PTGFRN: variants seen among roughly 807,000 people sequenced by gnomAD.
PTGFRN encodes prostaglandin F2 receptor inhibitor.
PTGFRN carries 35 observed loss-of-function variants against 83.2 expected under a neutral mutation model. The observed-to-expected ratio is 0.42, with a 90% confidence interval of 0.32 to 0.56. The LOEUF (loss-of-function observed/expected upper bound fraction) is 0.56. Ranked by LOEUF, PTGFRN falls within the 20% of genes least tolerant of loss-of-function variation. PTGFRN has a pLI of 0.11. For synonymous variants in PTGFRN, 519 were observed against 498.6 expected, an observed-to-expected ratio of 1.04 and a Z score of -0.55; for missense variants, 1,051 against 1,179.5, an observed-to-expected ratio of 0.89 and a Z score of 1.60.
chr1:116,980,000 A>G (rs546366983), intron 7 of PTGFRN, among the ~76,000 whole-genome samples: 1 of 149,594 alleles, frequency 6.7e-6, no homozygotes, highest in African/African-American at 2.5e-5. Context: ...TCCAGACTCT[A>G]CGAAGAACTC....
At chr1:116,929,798 A>G (rs543448082) in intron 1 of PTGFRN, among the ~76,000 whole-genome samples, 41 of 152,274 alleles carry the variant, frequency 2.7e-4, no homozygotes, top group Non-Finnish European at 5.0e-4. Context: ...AGTGCCTAGA[A>G]GGTGCTTTGG....
intron 7 of PTGFRN, among the ~76,000 whole-genome samples, chr1:116,975,778 CAG>C (rs780070123): frequency 2.6e-5 from 4 of 152,148 alleles, no homozygotes; most frequent in East Asian, 3.8e-4. Context: ...GGGGAAAAAA[CAG>C]AGCAGAAAAG....
At chr1:116,982,080 G>T (rs1344394037) in intron 7 of PTGFRN, among the ~76,000 whole-genome samples, 1 of 152,194 alleles carries the variant, frequency 6.6e-6, no homozygotes, top group African/African-American at 2.4e-5. Context: ...GAATTCCGAA[G>T]AGAAAGTGAT....
rs1171145776 is a variant in PTGFRN at position 116,989,926 on chromosome 1, T to G, written c.*2959T>G. ...GTTTGTTTCCCCGGTGGCCCTTGCT[T>G]CTTGCTTTGCAGACTGCCTGCAGCC... On this transcript the variant is annotated 3_prime_UTR_variant, in exon 9 of 9. Coordinates refer to ENST00000393203, the MANE Select transcript of PTGFRN (RefSeq NM_020440.4). The G allele has an allele frequency of 6.5e-6, 1 of 152,692 alleles. No individual in the cohort carries two copies. Among genetic ancestry groups the G allele is most frequent in the African/African-American group, 2.4e-5 (1 of 41,464 alleles). 9.5% of individuals were successfully genotyped at this position (152,692 alleles called of 1,614,324 possible). A position where few individuals can be genotyped will look rare whatever the true frequency, so the allele number is the denominator to read the frequency against.
At chr1:116,979,522 G>A (rs2101089231) in intron 7 of PTGFRN, among the ~76,000 whole-genome samples, 1 of 152,226 alleles carries the variant, frequency 6.6e-6, no homozygotes. Context: ...CCAAAACAGA[G>A]ATATAGACCA....
Position 116,910,179 on chromosome 1 carries a change from G to A in PTGFRN, c.-25G>A. ...AGGCGGCGGGGAAGGAGGAGGAGGG[G>A]GAGAGTCGCTCCCGCCGGGCGAGCA... is the stretch of plus-strand genomic sequence containing the variant. On this transcript the variant is annotated 5_prime_UTR_variant, in exon 1 of 9. Transcript: ENST00000393203. 1.3e-6 allele frequency: 2 copies of A among 1,502,312 alleles called. No individual in the cohort carries two copies. Among genetic ancestry groups the A allele is most frequent in the Non-Finnish European group, 1.8e-6 (2 of 1,131,994 alleles). The allele number at this position is 1,502,312 out of a possible 1,614,324, so 93.1% of individuals were successfully genotyped here.
At chr1:116,975,748 G>A (rs1223819837) in intron 7 of PTGFRN, among the ~76,000 whole-genome samples, 2 of 152,100 alleles carry the variant, frequency 1.3e-5, no homozygotes, top group Non-Finnish European at 2.9e-5. Context: ...AAGACCAAAG[G>A]TAGATACAAC....
At chr1:116,971,708 C>T (rs1178179193) in intron 6 of PTGFRN, among the ~76,000 whole-genome samples, 3 of 152,180 alleles carry the variant, frequency 2.0e-5, no homozygotes, top group Non-Finnish European at 4.4e-5. Context: ...TGAGCTGCAG[C>T]ACAAATGCTC....
intron 5 of PTGFRN, among the ~76,000 whole-genome samples, chr1:116,964,212 T>C (rs1650762194): frequency 6.6e-6 from 1 of 152,162 alleles, no homozygotes; most frequent in South Asian, 2.1e-4. Context: ...GTGTGTCTGG[T>C]TTTTCTCCTT....
intron 6 of PTGFRN, among the ~76,000 whole-genome samples, chr1:116,969,124 T>C (rs1650921857): frequency 3.3e-5 from 5 of 151,714 alleles, no homozygotes; most frequent in African/African-American, 9.7e-5. Context: ...TTATCTGTTT[T>C]TTTTTTTTTT....
intron 1 of PTGFRN, among the ~76,000 whole-genome samples, chr1:116,916,124 C>T (rs1367470852): frequency 2.0e-5 from 3 of 152,162 alleles, no homozygotes; most frequent in African/African-American, 7.2e-5. Context: ...CTCCACAATA[C>T]TCTGTATTGT....
intron 1 of PTGFRN, among the ~76,000 whole-genome samples, chr1:116,940,487 C>A (rs1650033442): frequency 6.6e-6 from 1 of 152,216 alleles, no homozygotes; most frequent in African/African-American, 2.4e-5. Context: ...ATATCTGTGA[C>A]AACCCTGTTG....
chr1:116,972,916 TTTTTG>T (rs1327542027), intron 6 of PTGFRN, among the ~76,000 whole-genome samples: 2 of 152,168 alleles, frequency 1.3e-5, no homozygotes, highest in Non-Finnish European at 2.9e-5. Flanking sequence ...GGGTAGGGTT[TTTTTG>T]TTTTGTTTTT....
intron 7 of PTGFRN, among the ~76,000 whole-genome samples, chr1:116,983,499 A>C (rs1417893203): frequency 3.7e-5 from 1 of 26,778 alleles, no homozygotes; most frequent in African/African-American, 1.4e-4. Context: ...CACTGGGAAC[A>C]AAAAAAAAAA....
At position 116,952,443 on chromosome 1, in the gene PTGFRN, A is replaced by G. The variant is rs1422560919; in HGVS notation, c.1213+2871A>G. On this transcript the variant is annotated intron_variant, in intron 4 of 8. Coordinates refer to ENST00000393203, the MANE Select transcript of PTGFRN (RefSeq NM_020440.4). The surrounding 1 kb of genome is among the most constrained non-coding windows in gnomAD (Gnocchi z 4.0). The stretch of plus-strand genomic sequence containing the variant: ...TGAGAAAAAACCTCTTTTACTTAGA[A>G]TGTATGTCCTACTTTAAAGGGAAAG... 2.6e-5 allele frequency among the ~76,000 whole-genome samples: 4 copies of G among 152,188 alleles called. No homozygotes were observed. The highest frequency in any genetic ancestry group is 7.2e-5 in the African/African-American group (3 of 41,438).
intron 3 of PTGFRN, among the ~76,000 whole-genome samples, chr1:116,945,673 A>C (rs1343711616): frequency 6.6e-6 from 1 of 150,938 alleles, no homozygotes; most frequent in East Asian, 1.9e-4. Flanking sequence ...TTCCTGTATC[A>C]TACAGACCAC....
intron 4 of PTGFRN, among the ~76,000 whole-genome samples, chr1:116,951,594 A>T (rs1650348655): frequency 2.0e-5 from 3 of 152,246 alleles, no homozygotes; most frequent in Non-Finnish European, 4.4e-5. Flanking sequence ...AACTCCTAGG[A>T]TATTCAGAGA....
chr1:116,923,621 G>A lies in PTGFRN; in HGVS notation c.49+13369G>A, dbSNP rs2250337. On this transcript the variant is annotated intron_variant, in intron 1 of 8. Coordinates refer to ENST00000393203, the MANE Select transcript of PTGFRN (RefSeq NM_020440.4). The surrounding 1 kb of genome is among the most constrained non-coding windows in gnomAD (Gnocchi z 4.0). The stretch of plus-strand genomic sequence containing the variant: ...GGCATAGGCTCCCTTCTTGGGCTTC[G>A]TCCTGGTTGGTCATAGTCTAGAGAA... 0.17 allele frequency among the ~76,000 whole-genome samples: 25,178 copies of A among 152,008 alleles called. 4,438 individuals are homozygous for A. Among genetic ancestry groups the A allele is most frequent in the African/African-American group, 0.44 (18,382 of 41,400 alleles).
intron 5 of PTGFRN, among the ~76,000 whole-genome samples, chr1:116,966,287 A>G (rs1247551384): frequency 1.3e-5 from 2 of 152,272 alleles, no homozygotes; most frequent in Non-Finnish European, 2.9e-5. Context: ...TTTAAACAGC[A>G]TTTCTGAAAT....
Sources: gnomAD v4.1 joint callset for allele counts (sites outside exome capture counted in the v4.1 genomes callset) on GRCh38, gnomAD v4.1.1 for gene constraint, Gnocchi (gnomAD v3.1) non-coding constraint, MANE v1.5 for transcripts, NCBI Gene and HGNC (gene_info 2026-07-23, HGNC 2026-07-21) for gene names.